Variants in FAM53A observed in about 807,000 individuals in gnomAD.
FAM53A encodes family with sequence similarity 53 member A, also known as protein FAM53A.
FAM53A carries 28 observed loss-of-function variants against 26.6 expected under a neutral mutation model. That is an observed-to-expected ratio of 1.05 (90% CI 0.78 to 1.45). FAM53A has a LOEUF of 1.45. FAM53A is among the 40% of genes most tolerant of loss of function. The probability of loss-of-function intolerance (pLI) is 0.00; values close to 1 mark genes in which losing one functional copy is unlikely to be tolerated. For missense variants in FAM53A, 650 were observed against 575.8 expected, an observed-to-expected ratio of 1.13 and a Z score of -1.32; for synonymous variants, 290 against 253.1, an observed-to-expected ratio of 1.15 and a Z score of -1.38.
the FAM53A span, among the ~76,000 whole-genome samples, chr4:1,600,710 G>A: frequency 6.6e-6 from 1 of 152,182 alleles, no homozygotes; most frequent in Non-Finnish European, 1.5e-5. Flanking sequence ...AGGCTGGAGT[G>A]CAGTGGTGTG....
chr4:1,638,433 A>G (rs1184224473), downstream of FAM53A, among the ~76,000 whole-genome samples: 1 of 151,994 alleles, frequency 6.6e-6, no homozygotes, highest in Admixed American at 6.5e-5. Context: ...GGCCCCACCA[A>G]CCAGACACCC....
At chr4:1,658,888 C>T (rs942486244) in intron 2 of FAM53A, among the ~76,000 whole-genome samples, 2 of 152,250 alleles carry the variant, frequency 1.3e-5, no homozygotes, top group African/African-American at 4.8e-5. Context: ...ACACGGCTGT[C>T]CCGCAGGGTC....
chr4:1,621,632 C>G (rs1715040741), intron 1 of FAM53A, among the ~76,000 whole-genome samples: 1 of 152,178 alleles, frequency 6.6e-6, no homozygotes, highest in South Asian at 2.1e-4. Flanking sequence ...GGGTCCTGTC[C>G]CAGGTCACGG....
At chr4:1,608,448 C>T in the FAM53A span, among the ~76,000 whole-genome samples, 7 of 152,352 alleles carry the variant, frequency 4.6e-5, no homozygotes, top group South Asian at 8.3e-4. Flanking sequence ...CCCGCCCAGG[C>T]GCCAGCCACG....
Position 1,655,620 on chromosome 4 carries a change from G to A in FAM53A, c.240C>T (p.His80=), listed in dbSNP as rs1296903908. The A allele has an allele frequency of 1.3e-6, 2 of 1,594,978 alleles. No homozygotes were observed. Among genetic ancestry groups the A allele is most frequent in the Non-Finnish European group, 1.7e-6 (2 of 1,171,284 alleles). Reference sequence around the variant, plus strand: ...GTGGCTGCCACTGAAGACCCATGGTGTGAGCGGCAGCAGACAGGCCCGGCA... The same window carrying A: ...GTGGCTGCCACTGAAGACCCATGGTATGAGCGGCAGCAGACAGGCCCGGCA... ...SFLPGLSAAA[H]TMGLQWQPQS... The change falls in exon 4 of 5, where the codon CAC becomes CAT. Residue 80 remains histidine (H), a synonymous_variant. Transcript: ENST00000308132.
chr4:1,661,661 C>A (rs142416089), intron 2 of FAM53A, among the ~76,000 whole-genome samples: 3 of 149,672 alleles, frequency 2.0e-5, no homozygotes, highest in Non-Finnish European at 4.4e-5. Flanking sequence ...CCCCGCCCAT[C>A]TTCCAGCACT....
chr4:1,632,413 C>T (rs1304614782), intron 1 of FAM53A, among the ~76,000 whole-genome samples: 1 of 152,136 alleles, frequency 6.6e-6, no homozygotes, highest in East Asian at 1.9e-4. Context: ...TCTCGGACTT[C>T]CAGCCTCCAG....
At chr4:1,611,231 A>C in the FAM53A span, among the ~76,000 whole-genome samples, 2 of 152,158 alleles carry the variant, frequency 1.3e-5, no homozygotes, top group African/African-American at 4.8e-5. Context: ...TGCTCAGCTC[A>C]GTCCTTGGAG....
downstream of FAM53A, among the ~76,000 whole-genome samples, chr4:1,635,743 A>G: frequency 6.6e-6 from 1 of 151,794 alleles, no homozygotes; most frequent in Admixed American, 6.6e-5. Context: ...AGTTACATCA[A>G]GTGCATTTTT....
At chr4:1,621,477 T>C (rs1470393023) in intron 1 of FAM53A, among the ~76,000 whole-genome samples, 2 of 152,074 alleles carry the variant, frequency 1.3e-5, no homozygotes, top group Non-Finnish European at 2.9e-5. Context: ...AGACAGAACT[T>C]AGTCACATGG....
the FAM53A span, among the ~76,000 whole-genome samples, chr4:1,578,747 G>C: frequency 7.0e-6 from 1 of 142,946 alleles, no homozygotes; most frequent in African/African-American, 2.6e-5. Context: ...GAAGGGAGGG[G>C]AGGGCAGGGC....
At chr4:1,665,132 T>C (rs913903948) in intron 2 of FAM53A, among the ~76,000 whole-genome samples, 3 of 151,918 alleles carry the variant, frequency 2.0e-5, no homozygotes, top group Non-Finnish European at 1.5e-5. Context: ...CTGGCCAACA[T>C]GGTGAAACCC....
chr4:1,606,859 C>G, the FAM53A span, among the ~76,000 whole-genome samples: 27 of 152,212 alleles, frequency 1.8e-4, no homozygotes, highest in African/African-American at 5.5e-4. Context: ...GGGCCTGTAC[C>G]CAGAGGCGGA....
chr4:1,660,641 C>G (rs552636594), intron 2 of FAM53A, among the ~76,000 whole-genome samples: 1 of 152,284 alleles, frequency 6.6e-6, no homozygotes, highest in South Asian at 2.1e-4. Flanking sequence ...GTAATCCCAG[C>G]TCTTTGGGAG....
chr4:1,667,468 G>A (rs570751288), intron 2 of FAM53A, among the ~76,000 whole-genome samples: 79 of 152,276 alleles, frequency 5.2e-4, no homozygotes, highest in Non-Finnish European at 8.5e-4. Flanking sequence ...AGCCAGCGCT[G>A]CCACGGTCAC....
intron 1 of FAM53A, among the ~76,000 whole-genome samples, chr4:1,678,405 AAC>A (rs1250650851): frequency 3.3e-5 from 5 of 152,226 alleles, no homozygotes; most frequent in African/African-American, 9.6e-5. Context: ...GAACAGGCAG[AAC>A]AGAGAGCCCA....
At chr4:1,592,611 T>C in the FAM53A span, among the ~76,000 whole-genome samples, 3 of 152,068 alleles carry the variant, frequency 2.0e-5, no homozygotes, top group African/African-American at 7.2e-5. Flanking sequence ...GCCCCTCTCC[T>C]GGGCCAAGCC....
chr4:1,670,278 C>T (rs1714542226), intron 1 of FAM53A, among the ~76,000 whole-genome samples: 2 of 152,272 alleles, frequency 1.3e-5, no homozygotes, highest in Non-Finnish European at 2.9e-5. Flanking sequence ...CAACCGCTCT[C>T]GACAGAAACC....
At chr4:1,635,521 C>T (rs538809763), downstream of FAM53A, among the ~76,000 whole-genome samples, 75 of 152,184 alleles carry the variant, frequency 4.9e-4, 1 homozygote, top group African/African-American at 1.6e-3. Flanking sequence ...CAATCCTCCC[C>T]GCTGTTGGCC....
Sources: allele counts gnomAD v4.1 joint callset (sites outside exome capture counted in the v4.1 genomes callset), GRCh38; gene constraint gnomAD v4.1.1; transcripts MANE v1.5; gene names NCBI Gene and HGNC (gene_info 2026-07-23, HGNC 2026-07-21).